The following PSD3 variants were observed in gnomAD, a reference collection of about 807,000 sequenced individuals.
PSD3 encodes pleckstrin and Sec7 domain containing 3.
Under a neutral mutation model 105.5 loss-of-function variants are expected in PSD3, and 49 were observed. The ratio of observed to expected loss-of-function variants is 0.46; its 90% confidence interval spans 0.37 to 0.59. The LOEUF (loss-of-function observed/expected upper bound fraction) is 0.59. Ranked by LOEUF, PSD3 falls within the 20% of genes least tolerant of loss-of-function variation. The pLI is 0.00. For missense variants in PSD3, 1,561 were observed against 1,263.8 expected (o/e 1.24, Z -3.57); for synonymous variants, 557 against 457.8 (o/e 1.22, Z -2.77).
At chr8:18,617,102 T>C (rs1188720745) in intron 11 of PSD3, among the ~76,000 whole-genome samples, 1 of 152,224 alleles carries the variant, frequency 6.6e-6, no homozygotes, top group African/African-American at 2.4e-5. Context: ...TTTGGTGAGT[T>C]GATTTTTCAG....
intron 12 of PSD3, among the ~76,000 whole-genome samples, chr8:18,591,740 T>C (rs764823138): frequency 6.6e-6 from 1 of 151,798 alleles, no homozygotes; most frequent in Non-Finnish European, 1.5e-5. Flanking sequence ...TCTGAGGGAG[T>C]GGTATCTGAC....
chr8:18,852,632 T>TG (rs1185731761), intron 4 of PSD3, among the ~76,000 whole-genome samples: 5 of 152,296 alleles, frequency 3.3e-5, no homozygotes, highest in African/African-American at 1.2e-4. Flanking sequence ...CCGTTGCCAC[T>TG]GAAGGCTGCA....
At chr8:18,631,053 A>G (rs1385130174) in intron 11 of PSD3, among the ~76,000 whole-genome samples, 1 of 151,960 alleles carries the variant, frequency 6.6e-6, no homozygotes, top group East Asian at 1.9e-4. Context: ...CACTTAGCCT[A>G]TAGATTTCAG....
At chr8:18,755,860 C>G (rs1219075832) in intron 9 of PSD3, among the ~76,000 whole-genome samples, 2 of 151,764 alleles carry the variant, frequency 1.3e-5, no homozygotes, top group African/African-American at 4.8e-5. Context: ...TGGTCTGAAC[C>G]ACACCAAAAG....
chr8:18,899,192 C>T (rs1163857881), intron 2 of PSD3, among the ~76,000 whole-genome samples: 3 of 152,122 alleles, frequency 2.0e-5, no homozygotes, highest in African/African-American at 7.2e-5. Flanking sequence ...AGCAATTCAT[C>T]TTCTGTTAAC....
At chr8:18,918,009 T>C (rs1289672356) in intron 2 of PSD3, among the ~76,000 whole-genome samples, 2 of 152,214 alleles carry the variant, frequency 1.3e-5, no homozygotes, top group Non-Finnish European at 2.9e-5. Context: ...TATCTCTAGA[T>C]TTCCTACTTC....
At chr8:18,674,569 A>G (rs1421284002) in intron 9 of PSD3, among the ~76,000 whole-genome samples, 1 of 152,200 alleles carries the variant, frequency 6.6e-6, no homozygotes, top group African/African-American at 2.4e-5. Context: ...TTTTTGCTAT[A>G]TGTAAATACC....
chr8:18,760,278 C>T (rs1172751608), intron 9 of PSD3, among the ~76,000 whole-genome samples: 2 of 152,090 alleles, frequency 1.3e-5, no homozygotes, highest in African/African-American at 2.4e-5. Flanking sequence ...CATTCAAAAT[C>T]TATTCTCCTA....
chr8:18,569,671 C>T lies in PSD3; in HGVS notation c.2784+2857G>A, dbSNP rs1209174527. 1.1e-4 allele frequency among the ~76,000 whole-genome samples: 2 copies of T among 17,582 alleles called. 1 individual carries two copies. Among genetic ancestry groups the T allele is most frequent in the African/African-American group, 2.1e-4 (2 of 9,402 alleles). 11.5% of individuals were successfully genotyped at this position (17,582 alleles called of 152,430 possible). A position where few individuals can be genotyped will look rare whatever the true frequency, so the allele number is the denominator to read the frequency against. ...GTACATGTGCACATTGTGCAGGTTA[C>T]TTACATACGTATACATGTGCCATGC... On this transcript the variant is annotated intron_variant, in intron 14 of 15. Transcript: ENST00000327040.
At chr8:18,669,572 A>G (rs1799664427) in intron 9 of PSD3, among the ~76,000 whole-genome samples, 1 of 152,240 alleles carries the variant, frequency 6.6e-6, no homozygotes, top group African/African-American at 2.4e-5. Flanking sequence ...GGGAGCATCC[A>G]CAGTGGGGAG....
chr8:19,073,541 A>G (rs1829341657), intron 1 of PSD3, among the ~76,000 whole-genome samples: 1 of 116,576 alleles, frequency 8.6e-6, no homozygotes, highest in Non-Finnish European at 1.7e-5. Flanking sequence ...ACAGAGTGAA[A>G]CTGTCTCTCA....
At chr8:18,858,940 T>C (rs1816227831) in intron 4 of PSD3, among the ~76,000 whole-genome samples, 1 of 152,166 alleles carries the variant, frequency 6.6e-6, no homozygotes, top group Admixed American at 6.5e-5. Flanking sequence ...AAATCATAAA[T>C]GTTCTTAATG....
chr8:18,611,064 A>T (rs1038605), intron 11 of PSD3, among the ~76,000 whole-genome samples: 88,755 of 151,934 alleles, frequency 0.58, 26,425 homozygotes, highest in Middle Eastern at 0.77. Flanking sequence ...GCAGTAACAT[A>T]AACAATGAAA....
At chr8:18,849,538 C>T (rs1815399220) in intron 4 of PSD3, 1 of 152,234 alleles carries the variant, frequency 6.6e-6, no homozygotes, top group East Asian at 1.9e-4. Flanking sequence ...GTATCATTTA[C>T]ATTTCTAGAA....
At chr8:18,863,603 G>C (rs1427173733) in intron 4 of PSD3, among the ~76,000 whole-genome samples, 1 of 152,186 alleles carries the variant, frequency 6.6e-6, no homozygotes, top group African/African-American at 2.4e-5. Flanking sequence ...TATTGCCATT[G>C]AAAGTAATGA....
chr8:18,757,356 C>T (rs896569760), intron 9 of PSD3, among the ~76,000 whole-genome samples: 2 of 151,712 alleles, frequency 1.3e-5, no homozygotes, highest in African/African-American at 2.4e-5. Flanking sequence ...CCCAGCTACT[C>T]GGGAGGCTGT....
Position 18,872,180 on chromosome 8 carries a change from C to G in PSD3, c.684G>C (p.Glu228Asp), listed in dbSNP as rs764199312. 6.2e-7 allele frequency: 1 copy of G among 1,614,066 alleles called. No individual in the cohort carries two copies. Among genetic ancestry groups the G allele is most frequent in the Non-Finnish European group, 8.5e-7 (1 of 1,180,032 alleles). The part of the protein sequence containing the change: ...TALLTGDTQA[E>D]ISQIMNNGRK... ...TCCCATTATTCATTATCTGGGAAAT[C>G]TCTGCCTGAGTGTCTCCAGTTAACA... Residue 228 changes from glutamate (E) to aspartate (D), a missense_variant, in exon 3 of 16, where the codon GAG (glutamate) becomes GAC (aspartate). Physicochemically the swap from Glu to Asp is conservative, Grantham distance 45 (BLOSUM62 2). Transcript: ENST00000327040.
chr8:19,083,039 C>A (rs968859319), intron 1 of PSD3, among the ~76,000 whole-genome samples: 6 of 152,106 alleles, frequency 3.9e-5, no homozygotes, highest in Non-Finnish European at 2.9e-5. Context: ...GCAGTACCCC[C>A]TCTAAGCCCA....
At chr8:18,916,091 C>A (rs1038904250) in intron 2 of PSD3, among the ~76,000 whole-genome samples, 2 of 150,884 alleles carry the variant, frequency 1.3e-5, no homozygotes, top group African/African-American at 4.9e-5. Context: ...AGCGAAACTC[C>A]GACTCAAAAA....
Sources: gnomAD v4.1 joint callset for allele counts (sites outside exome capture counted in the v4.1 genomes callset) on GRCh38, gnomAD v4.1.1 for gene constraint, MANE v1.5 for transcripts, NCBI Gene and HGNC (gene_info 2026-07-23, HGNC 2026-07-21) for gene names.